The following NTN1 variants were observed in gnomAD, a reference collection of about 807,000 sequenced individuals.
NTN1 encodes netrin-1.
In NTN1, 11 loss-of-function variants were observed where a neutral mutation model predicts 54.2. The observed-to-expected ratio is 0.20, with a 90% CI of 0.13 to 0.34. NTN1 has a LOEUF of 0.34. Ranked by LOEUF, NTN1 falls within the 10% of genes least tolerant of loss-of-function variation. The pLI is 1.00. For missense variants in NTN1, 740 were observed against 893.1 expected (o/e 0.83, Z 2.18); for synonymous variants, 371 against 382.0 (o/e 0.97, Z 0.33).
intron 2 of NTN1, among the ~76,000 whole-genome samples, chr17:9,032,564 G>A (rs533582528): frequency 6.6e-6 from 1 of 152,360 alleles, no homozygotes; most frequent in South Asian, 2.1e-4. Context: ...ACTGCCCTCA[G>A]TGCTCTGCTT....
In NTN1 at chr17:9,022,311, G is replaced by A. The variant is rs2091852341; in HGVS notation, c.-63G>A. On this transcript the variant is annotated splice_region_variant and 5_prime_UTR_variant, in exon 2 of 7. Coordinates refer to ENST00000173229, the MANE Select transcript of NTN1 (RefSeq NM_004822.3). ...GAGCGCAGCTCCCTTCTCTCCGCAG[G>A]CGCCTTCTGCGGCAGGCGGACAGAT... is the stretch of plus-strand genomic sequence containing the variant. 2 of 1,259,260 alleles carry A rather than the reference G, an allele frequency of 1.6e-6. No homozygotes were observed. Among genetic ancestry groups the A allele is most frequent in the Admixed American group, 4.3e-5 (1 of 23,476 alleles). The allele number at this position is 1,259,260 out of a possible 1,614,324, so 78.0% of individuals were successfully genotyped here.
chr17:9,209,326 G>A (rs1905042060), intron 5 of NTN1, among the ~76,000 whole-genome samples: 1 of 152,198 alleles, frequency 6.6e-6, no homozygotes, highest in African/African-American at 2.4e-5. Flanking sequence ...ACGGTGAGCT[G>A]CAAGGGAATC....
At chr17:9,167,282 T>G (rs1338647429) in intron 3 of NTN1, among the ~76,000 whole-genome samples, 1 of 152,242 alleles carries the variant, frequency 6.6e-6, no homozygotes, top group Non-Finnish European at 1.5e-5. Flanking sequence ...ACCATTTGTC[T>G]TCTTTGTGGA....
At chr17:9,113,420 C>T (rs191703573) in intron 2 of NTN1, among the ~76,000 whole-genome samples, 9 of 152,190 alleles carry the variant, frequency 5.9e-5, no homozygotes, top group African/African-American at 1.9e-4. Context: ...GGAACTTAAC[C>T]CTGTATTTTC....
At chr17:9,033,943 A>G (rs1298161214) in intron 2 of NTN1, among the ~76,000 whole-genome samples, 1 of 151,848 alleles carries the variant, frequency 6.6e-6, no homozygotes. Flanking sequence ...AAGAAAAAGA[A>G]AAGAAAGAAA....
chr17:9,210,631 G>C (rs905912126), intron 5 of NTN1, among the ~76,000 whole-genome samples: 7 of 151,974 alleles, frequency 4.6e-5, no homozygotes, highest in African/African-American at 1.5e-4. Flanking sequence ...GCCTCACCTC[G>C]GCCGGTCGCT....
chr17:9,159,695 GGAGGCT>G (rs1185367480), intron 2 of NTN1, among the ~76,000 whole-genome samples: 3 of 152,136 alleles, frequency 2.0e-5, no homozygotes, highest in Non-Finnish European at 4.4e-5. Flanking sequence ...CAGCTACTCG[GGAGGCT>G]GAGGCAGGAG....
At chr17:9,153,753 C>T (rs968740000) in intron 2 of NTN1, among the ~76,000 whole-genome samples, 5 of 152,204 alleles carry the variant, frequency 3.3e-5, no homozygotes, top group African/African-American at 4.8e-5. Context: ...CAGGTAGAAG[C>T]GGGTCCTGTT....
chr17:9,101,398 A>G (rs1280905711), intron 2 of NTN1, among the ~76,000 whole-genome samples: 2 of 152,190 alleles, frequency 1.3e-5, no homozygotes, highest in African/African-American at 4.8e-5. Flanking sequence ...GTGTGTCCCA[A>G]AGAGAAACTT....
chr17:9,159,634 T>A (rs529465320), intron 2 of NTN1, among the ~76,000 whole-genome samples: 1 of 152,140 alleles, frequency 6.6e-6, no homozygotes, highest in South Asian at 2.1e-4. Flanking sequence ...ACCCTGTCTC[T>A]ACTAAAAATA....
intron 6 of NTN1, among the ~76,000 whole-genome samples, chr17:9,225,878 C>T (rs1905521988): frequency 6.6e-6 from 1 of 152,222 alleles, no homozygotes; most frequent in South Asian, 2.1e-4. Context: ...GCTGCCCCTG[C>T]TGGGTGAAGA....
At chr17:9,070,211 C>T (rs1379670666) in intron 2 of NTN1, among the ~76,000 whole-genome samples, 2 of 152,120 alleles carry the variant, frequency 1.3e-5, no homozygotes, top group African/African-American at 4.8e-5. Flanking sequence ...TTATTGCCCT[C>T]TTCGTGTGAT....
intron 4 of NTN1, among the ~76,000 whole-genome samples, chr17:9,180,231 A>T (rs2092414727): frequency 6.6e-6 from 1 of 152,174 alleles, no homozygotes; most frequent in Non-Finnish European, 1.5e-5. Context: ...TAGAGATGGG[A>T]TTTCGCTGTG....
the NTN1 span, among the ~76,000 whole-genome samples, chr17:9,011,010 C>A: frequency 1.3e-5 from 2 of 151,784 alleles, no homozygotes; most frequent in African/African-American, 4.8e-5. Context: ...GAGACAGTGA[C>A]AGATCATCAA....
intron 2 of NTN1, among the ~76,000 whole-genome samples, chr17:9,087,228 G>A (rs533186229): frequency 6.6e-6 from 1 of 152,252 alleles, no homozygotes; most frequent in South Asian, 2.1e-4. Context: ...TGGCTAGGTG[G>A]GGTGGGGTCT....
chr17:9,113,245 A>T (rs1207315159), intron 2 of NTN1, among the ~76,000 whole-genome samples: 1 of 151,740 alleles, frequency 6.6e-6, no homozygotes, highest in African/African-American at 2.4e-5. Flanking sequence ...GCTGGTCTTG[A>T]ACTCCTGACC....
intron 2 of NTN1, among the ~76,000 whole-genome samples, chr17:9,023,847 G>T (rs2091861879): frequency 1.3e-5 from 2 of 152,220 alleles, no homozygotes; most frequent in African/African-American, 4.8e-5. Context: ...TTGGGAGATG[G>T]CAAAGAACTG....
the NTN1 span, among the ~76,000 whole-genome samples, chr17:9,013,776 C>A: frequency 6.6e-6 from 1 of 152,272 alleles, no homozygotes; most frequent in East Asian, 1.9e-4. Flanking sequence ...AGAGGCCCCC[C>A]ACTATTTTCT....
At chr17:9,193,935 A>AAAC (rs771221636) in intron 5 of NTN1, among the ~76,000 whole-genome samples, 2 of 123,530 alleles carry the variant, frequency 1.6e-5, no homozygotes, top group Non-Finnish European at 3.4e-5. Context: ...AAAAAAAAAA[A>AAAC]AAAAAAAAAC....
Sources: gnomAD v4.1 joint callset for allele counts (sites outside exome capture counted in the v4.1 genomes callset) on GRCh38, gnomAD v4.1.1 for gene constraint, MANE v1.5 for transcripts, NCBI Gene and HGNC (gene_info 2026-07-23, HGNC 2026-07-21) for gene names.